Variants in AK8 observed in about 807,000 individuals in gnomAD.
The protein encoded by AK8 is ATP-AMP transphosphorylase 8.
AK8 carries 44 observed loss-of-function variants against 54.6 expected under a neutral mutation model. That is an observed-to-expected ratio of 0.81 (90% CI 0.63 to 1.04). The LOEUF is 1.04. AK8 is among the 50% of genes least tolerant of loss of function. The pLI, the probability that AK8 is intolerant of heterozygous loss-of-function variation, is 0.00. For missense variants in AK8, 555 were observed against 613.6 expected (o/e 0.90, Z 1.01); for synonymous variants, 239 against 245.6 (o/e 0.97, Z 0.25).
chr9:132,804,307 G>A (rs1032221996), intron 10 of AK8, among the ~76,000 whole-genome samples: 1 of 152,052 alleles, frequency 6.6e-6, no homozygotes, highest in Non-Finnish European at 1.5e-5. Context: ...AGCCCTGCGG[G>A]AGCTGACTCC....
intron 1 of AK8, among the ~76,000 whole-genome samples, chr9:132,877,523 C>T (rs570309227): frequency 5.9e-5 from 9 of 152,352 alleles, no homozygotes; most frequent in South Asian, 4.1e-4. Context: ...CCTTGACCTC[C>T]ACCACGTGCA....
intron 11 of AK8, among the ~76,000 whole-genome samples, chr9:132,789,597 CAAAAAAAAAAAAA>C (rs578003731): frequency 3.5e-5 from 2 of 57,548 alleles, no homozygotes; most frequent in Non-Finnish European, 6.2e-5. Context: ...ACTCATCTCA[CAAAAAAAAAAAAA>C]AAAAAAAAAA....
chr9:132,827,419 T>A (rs1841917887), intron 7 of AK8: 1 of 276,498 alleles, frequency 3.6e-6, no homozygotes, highest in Non-Finnish European at 6.9e-6. Context: ...GAAAACTGAG[T>A]CTCAGGTATC....
intron 11 of AK8, among the ~76,000 whole-genome samples, chr9:132,779,588 T>C (rs2131121801): frequency 6.6e-6 from 1 of 152,364 alleles, no homozygotes; most frequent in East Asian, 1.9e-4. Flanking sequence ...GGCACTCACG[T>C]GCAGAGCAGG....
At chr9:132,780,069 C>T (rs1360299535) in intron 11 of AK8, among the ~76,000 whole-genome samples, 1 of 151,880 alleles carries the variant, frequency 6.6e-6, no homozygotes, top group East Asian at 1.9e-4. Context: ...GAGGAGGGGG[C>T]AGAAGAGAGA....
At chr9:132,864,339 G>C (rs1843505935) in intron 3 of AK8, among the ~76,000 whole-genome samples, 1 of 152,160 alleles carries the variant, frequency 6.6e-6, no homozygotes, top group South Asian at 2.1e-4. Context: ...GGTTCTGAAG[G>C]CCCTTCCAGG....
rs202059767 is a variant in AK8 at position 132,828,650 on chromosome 9, T to A, written c.479A>T (p.His160Leu). 373 of 1,611,280 alleles carry A rather than the reference T, an allele frequency of 2.3e-4. No individual in the cohort carries two copies. Among genetic ancestry groups the A allele is most frequent in the Non-Finnish European group, 2.8e-4 (336 of 1,178,962 alleles). ...GACCCTTGGGAGCTACTCACTGACGTGTCTGGGTGTGATCCCCAGGGTCTG... is the reference window on the plus strand; with the variant it reads ...GACCCTTGGGAGCTACTCACTGACGAGTCTGGGTGTGATCCCCAGGGTCTG... Reference protein sequence around the residue: ...RIQTLGITPRHVIVLSAPDTV... With the variant: ...RIQTLGITPRLVIVLSAPDTV... The change falls in exon 6 of 13, where the codon CAC becomes CTC. Residue 160 changes from histidine (H) to leucine (L), a missense_variant. His to Leu is a moderately conservative substitution (Grantham distance 99, BLOSUM62 -3). Coordinates refer to ENST00000298545, the MANE Select transcript of AK8 (RefSeq NM_152572.3).
intron 10 of AK8, among the ~76,000 whole-genome samples, chr9:132,797,474 G>A (rs919170301): frequency 6.6e-6 from 1 of 152,052 alleles, no homozygotes; most frequent in African/African-American, 2.4e-5. Context: ...CCTCTCAGTC[G>A]TTCCATTCAT....
intron 11 of AK8, among the ~76,000 whole-genome samples, chr9:132,762,834 G>A (rs946880401): frequency 8.5e-5 from 13 of 152,066 alleles, no homozygotes; most frequent in Non-Finnish European, 1.5e-5. Context: ...CTGAGATTGT[G>A]CCACTGCACT....
upstream of AK8, chr9:132,878,378 C>T: frequency 8.0e-7 from 1 of 1,246,902 alleles, no homozygotes; most frequent in South Asian, 3.9e-5. The surrounding 1 kb of genome is among the most constrained non-coding windows in gnomAD (Gnocchi z 4.7). Flanking sequence ...ATACCCGATC[C>T]TCGGTCGCGC....
At chr9:132,760,071 T>C (rs1405863674) in intron 11 of AK8, among the ~76,000 whole-genome samples, 1 of 152,224 alleles carries the variant, frequency 6.6e-6, no homozygotes, top group African/African-American at 2.4e-5. Context: ...ATTGCCTCCC[T>C]CTTAGGGATT....
intron 4 of AK8, 140 bp from the exon 5 acceptor site, chr9:132,855,065 G>A (rs1188440573): frequency 2.6e-5 from 20 of 758,210 alleles, no homozygotes; most frequent in Non-Finnish European, 3.4e-5. Flanking sequence ...TCCTCCACCC[G>A]CTGCACCCTT....
intron 2 of AK8, among the ~76,000 whole-genome samples, chr9:132,871,711 G>A (rs1843843530): frequency 6.6e-6 from 1 of 152,192 alleles, no homozygotes; most frequent in African/African-American, 2.4e-5. Flanking sequence ...AAGGAGCAAG[G>A]GCTCCTTGGA....
chr9:132,800,354 T>A (rs1335782043), intron 10 of AK8, among the ~76,000 whole-genome samples: 1 of 152,050 alleles, frequency 6.6e-6, no homozygotes, highest in African/African-American at 2.4e-5. Context: ...GGGTTCTGCA[T>A]CCCCCAAGTG....
At chr9:132,789,092 G>C (rs560499195) in intron 11 of AK8, among the ~76,000 whole-genome samples, 5 of 151,890 alleles carry the variant, frequency 3.3e-5, no homozygotes, top group African/African-American at 1.2e-4. Flanking sequence ...TCAGGAGATC[G>C]AGACCATCCT....
At chr9:132,864,746 A>G (rs1322748077) in intron 3 of AK8, among the ~76,000 whole-genome samples, 3 of 152,228 alleles carry the variant, frequency 2.0e-5, no homozygotes, top group Admixed American at 6.5e-5. Flanking sequence ...CGCTTCAGCC[A>G]TGCTGGGACT....
chr9:132,837,710 C>A lies in AK8; in HGVS notation c.403-8984G>T, dbSNP rs904939859. On this transcript the variant is annotated intron_variant, in intron 5 of 12. Coordinates refer to ENST00000298545, the MANE Select transcript of AK8 (RefSeq NM_152572.3). This position sits in a 1 kb window ranked among gnomAD's most constrained non-coding sequence, Gnocchi z 4.3. The stretch of plus-strand genomic sequence containing the variant: ...TCTGTATGCAGACACATGATCCACA[C>A]GTGCCCTTAAGAAGCCCATATCACA... Among the ~76,000 whole-genome samples, 1 of 152,172 alleles carries A rather than the reference C, an allele frequency of 6.6e-6. No homozygotes were observed. The highest frequency in any genetic ancestry group is 1.9e-4 in the East Asian group (1 of 5,198).
chr9:132,856,882 C>T (rs774389103), intron 4 of AK8, among the ~76,000 whole-genome samples: 5 of 151,934 alleles, frequency 3.3e-5, no homozygotes, highest in East Asian at 1.9e-4. Flanking sequence ...GGGGAGATAG[C>T]GAGAGAACGA....
chr9:132,748,012 T>A (rs566830052), intron 11 of AK8, among the ~76,000 whole-genome samples: 2 of 151,444 alleles, frequency 1.3e-5, no homozygotes, highest in East Asian at 3.9e-4. Flanking sequence ...GGCAGGAGAA[T>A]CGCTTGAACC....
Sources: gnomAD v4.1 joint callset for allele counts (sites outside exome capture counted in the v4.1 genomes callset) on GRCh38, gnomAD v4.1.1 for gene constraint, Gnocchi (gnomAD v3.1) non-coding constraint, MANE v1.5 for transcripts, NCBI Gene and HGNC (gene_info 2026-07-23, HGNC 2026-07-21) for gene names.